The following RB1CC1 variants were observed in gnomAD, a reference collection of about 807,000 sequenced individuals.
The protein encoded by RB1CC1 is RB1 inducible coiled-coil 1, also known as RB1-inducible coiled-coil protein 1.
Under a neutral mutation model 177.5 loss-of-function variants are expected in RB1CC1, and 46 were observed. That is an observed-to-expected ratio of 0.26 (90% CI 0.20 to 0.33). RB1CC1 has a LOEUF of 0.33. RB1CC1 is among the 10% of genes least tolerant of loss of function. The probability of loss-of-function intolerance (pLI) is 1.00; values close to 1 mark genes in which losing one functional copy is unlikely to be tolerated. For missense variants in RB1CC1, 1,703 were observed against 1,816.3 expected (o/e 0.94, Z 1.13); for synonymous variants, 666 against 613.6 (o/e 1.09, Z -1.26).
chr8:52,630,978 A>C (rs1001213432), intron 20 of RB1CC1, among the ~76,000 whole-genome samples: 1 of 152,170 alleles, frequency 6.6e-6, no homozygotes, highest in Non-Finnish European at 1.5e-5. Context: ...GCAAGAGAAC[A>C]CCAAACAAAG....
In RB1CC1 at chr8:52,655,966, GATATTT is replaced by G; in HGVS notation, c.3821+36_3821+41del. On this transcript the variant is annotated intron_variant, in intron 15 of 23. Transcript: ENST00000025008. ...TGTGATTACACACAAACGAATCACT[GATATTT>G]TAATTTTATAATTACAGACTAAACT... The G allele has an allele frequency of 2.1e-6, 3 of 1,425,764 alleles. No homozygotes were observed. The South Asian group carries it at 3.9e-5, about 18-fold the overall frequency. 88.3% of individuals were successfully genotyped at this position (1,425,764 alleles called of 1,614,324 possible).
chr8:52,693,851 T>G (rs1235167970), intron 1 of RB1CC1, among the ~76,000 whole-genome samples: 1 of 152,116 alleles, frequency 6.6e-6, no homozygotes, highest in Non-Finnish European at 1.5e-5. Context: ...ACTTAGGTGA[T>G]GGGATAATCT....
chr8:52,654,333 G>T (rs1850888314), intron 15 of RB1CC1, among the ~76,000 whole-genome samples: 1 of 152,092 alleles, frequency 6.6e-6, no homozygotes, highest in African/African-American at 2.4e-5. Context: ...CAAAATCCCA[G>T]GTATAGCTTC....
chr8:52,681,846 G>A (rs1853762774), intron 5 of RB1CC1, among the ~76,000 whole-genome samples: 1 of 152,178 alleles, frequency 6.6e-6, no homozygotes, highest in Non-Finnish European at 1.5e-5. Context: ...GAAGATGTAC[G>A]GAAACGCCTA....
At chr8:52,636,764 ATG>A (rs1417812271) in intron 18 of RB1CC1, among the ~76,000 whole-genome samples, 1 of 152,180 alleles carries the variant, frequency 6.6e-6, no homozygotes, top group African/African-American at 2.4e-5. Flanking sequence ...ACCTGCGCAT[ATG>A]GTGAGGAAAG....
At chr8:52,675,896 A>G (rs1470629145) in intron 6 of RB1CC1, among the ~76,000 whole-genome samples, 1 of 151,106 alleles carries the variant, frequency 6.6e-6, no homozygotes, top group African/African-American at 2.4e-5. Context: ...CAGAAAAAAA[A>G]AAAAAAAAAA....
At chr8:52,705,556 A>T (rs1387612180) in intron 1 of RB1CC1, among the ~76,000 whole-genome samples, 1 of 152,266 alleles carries the variant, frequency 6.6e-6, no homozygotes, top group African/African-American at 2.4e-5. Flanking sequence ...TCAAAATTTA[A>T]AATGTACAAA....
intron 22 of RB1CC1, among the ~76,000 whole-genome samples, chr8:52,627,286 G>A (rs1370215242): frequency 6.6e-6 from 1 of 151,402 alleles, no homozygotes; most frequent in African/African-American, 2.4e-5. Flanking sequence ...GGCAGAGGTT[G>A]CAGTGAGCTG....
At chr8:52,644,316 T>A (rs973130827) in intron 16 of RB1CC1, among the ~76,000 whole-genome samples, 4 of 152,178 alleles carry the variant, frequency 2.6e-5, no homozygotes, top group African/African-American at 9.7e-5. Flanking sequence ...TCTTATTTTA[T>A]AAATATTAAA....
chr8:52,660,824 T>A, intron 11 of RB1CC1, 102 bp downstream of exon 11: 2 of 1,129,938 alleles, frequency 1.8e-6, no homozygotes, highest in Non-Finnish European at 2.5e-6. Context: ...TAGATATCAA[T>A]GGCAATTAAC....
chr8:52,699,667 A>T (rs1855818091), intron 1 of RB1CC1, among the ~76,000 whole-genome samples: 1 of 149,690 alleles, frequency 6.7e-6, no homozygotes, highest in South Asian at 2.1e-4. Flanking sequence ...AAAAAATACA[A>T]AATTAGCTGG....
At chr8:52,683,414 T>C (rs1235841606) in intron 5 of RB1CC1, 135 bp downstream of exon 5, 6 of 749,910 alleles carry the variant, frequency 8.0e-6, no homozygotes, top group African/African-American at 5.5e-5. Context: ...TAAAACTAGA[T>C]ATATTAACCG....
intron 21 of RB1CC1, among the ~76,000 whole-genome samples, chr8:52,629,008 G>C (rs1216371177): frequency 6.6e-6 from 1 of 152,164 alleles, no homozygotes; most frequent in East Asian, 1.9e-4. Context: ...ATGGGGAGAT[G>C]GGAAATGGGG....
chr8:52,623,896 T>A (rs1321005115), intron 23 of RB1CC1, 37 bp from the exon 24 acceptor site: 5 of 1,352,628 alleles, frequency 3.7e-6, no homozygotes, highest in Admixed American at 1.7e-5. Context: ...ACTAGAGTGA[T>A]TAAACCACAT....
intron 15 of RB1CC1, among the ~76,000 whole-genome samples, chr8:52,648,204 C>CAT (rs143543261): frequency 0.029 from 4,457 of 152,172 alleles, 245 homozygotes; most frequent in African/African-American, 0.1. Context: ...TTTACTGACT[C>CAT]AAAGTAAAAG....
chr8:52,634,917 T>C lies in RB1CC1; in HGVS notation c.4440+4A>G. The stretch of plus-strand genomic sequence containing the variant: ...GACCAATTTACCAAGAAGAAAAATC[T>C]TACCAGTCTTTGATTTAACCGTTTA... On this transcript the variant is annotated splice_donor_region_variant and intron_variant, in intron 20 of 23. Transcript: ENST00000025008. The C allele has an allele frequency of 1.3e-6, 2 of 1,595,702 alleles. No individual in the cohort carries two copies. Among genetic ancestry groups the C allele is most frequent in the Non-Finnish European group, 1.7e-6 (2 of 1,168,264 alleles).
rs566202883 is a variant in RB1CC1, at chr8:52,681,903, C to G, written c.369+1646G>C. 7.2e-5 allele frequency among the ~76,000 whole-genome samples: 11 copies of G among 152,342 alleles called. No homozygotes were observed. The East Asian group carries it at 1.7e-3, about 24-fold the overall frequency. On this transcript the variant is annotated intron_variant, in intron 5 of 23. Transcript: ENST00000025008. ...CAGGGGCAGGGCCCTCATGGAGAAC[C>G]TGTTAGGGCAGTGTAGAAGGAAAAT...
chr8:52,698,055 G>T (rs1307476153), intron 1 of RB1CC1, among the ~76,000 whole-genome samples: 6 of 152,030 alleles, frequency 3.9e-5, no homozygotes, highest in Non-Finnish European at 7.4e-5. Context: ...AAATGTTACG[G>T]ATAAAAATTA....
chr8:52,663,384 G>C (rs1325865688), intron 8 of RB1CC1, among the ~76,000 whole-genome samples: 1 of 151,560 alleles, frequency 6.6e-6, no homozygotes, highest in African/African-American at 2.4e-5. Flanking sequence ...CATGTAGAAG[G>C]GTCTACAACA....
Sources: gnomAD v4.1 joint callset for allele counts (sites outside exome capture counted in the v4.1 genomes callset) on GRCh38, gnomAD v4.1.1 for gene constraint, MANE v1.5 for transcripts, NCBI Gene and HGNC (gene_info 2026-07-23, HGNC 2026-07-21) for gene names.